DOCK4: variants seen among roughly 807,000 people sequenced by gnomAD.
DOCK4 encodes the protein dedicator of cytokinesis 4.
DOCK4 carries 97 observed loss-of-function variants against 268.1 expected under a neutral mutation model. That is an observed-to-expected ratio of 0.36 (90% CI 0.31 to 0.43). The LOEUF is 0.43. Ranked by LOEUF, DOCK4 falls within the 20% of genes least tolerant of loss-of-function variation. The probability of loss-of-function intolerance (pLI) is 1.00; values close to 1 mark genes in which losing one functional copy is unlikely to be tolerated. For missense variants in DOCK4, 2,145 were observed against 2,455.7 expected, an observed-to-expected ratio of 0.87 and a Z score of 2.67; for synonymous variants, 954 against 887.2, an observed-to-expected ratio of 1.08 and a Z score of -1.34.
intron 25 of DOCK4, among the ~76,000 whole-genome samples, chr7:111,838,300 C>G (rs1803397876): frequency 6.6e-6 from 1 of 151,938 alleles, no homozygotes; most frequent in Non-Finnish European, 1.5e-5. Context: ...CACTTACTGA[C>G]TTTAAGATTT....
chr7:112,062,737 T>C (rs1461245108), intron 1 of DOCK4, among the ~76,000 whole-genome samples: 2 of 152,210 alleles, frequency 1.3e-5, no homozygotes, highest in Non-Finnish European at 2.9e-5. Context: ...TGGAGTGCAA[T>C]GGCACGATCT....
Position 111,949,346 on chromosome 7 carries a change from C to A in DOCK4, c.702-3548G>T, listed in dbSNP as rs139346825. Among the ~76,000 whole-genome samples, 4 of 152,290 alleles carry A rather than the reference C, an allele frequency of 2.6e-5. No individual in the cohort carries two copies. In the East Asian group the frequency reaches 7.7e-4, roughly 29 times the overall value. ...CATAAAATCCAATTCCATATCTGTA[C>A]ATTTCATCAAAATTCTGGAAAACAA... On this transcript the variant is annotated intron_variant, in intron 8 of 52. Coordinates refer to ENST00000428084, the MANE Select transcript of DOCK4 (RefSeq NM_001363540.2).
intron 8 of DOCK4, among the ~76,000 whole-genome samples, chr7:111,951,867 C>CAA (rs931813159): frequency 6.6e-6 from 1 of 150,378 alleles, no homozygotes; most frequent in African/African-American, 2.4e-5. Flanking sequence ...GACCTTGTCT[C>CAA]AAAAAAAAGA....
chr7:112,065,186 A>G (rs542400557), intron 1 of DOCK4, among the ~76,000 whole-genome samples: 1 of 151,998 alleles, frequency 6.6e-6, no homozygotes, highest in East Asian at 1.9e-4. Flanking sequence ...ATCTCTGTGC[A>G]TTCTCCCCTC....
intron 1 of DOCK4, among the ~76,000 whole-genome samples, chr7:112,167,218 C>T (rs1817685094): frequency 6.6e-6 from 1 of 152,196 alleles, no homozygotes; most frequent in Non-Finnish European, 1.5e-5. Context: ...CCCTTTCCAA[C>T]TTCCTCCAAG....
At chr7:112,064,190 T>C (rs113693128) in intron 1 of DOCK4, among the ~76,000 whole-genome samples, 330 of 152,220 alleles carry the variant, frequency 2.2e-3, no homozygotes, top group African/African-American at 7.3e-3. Context: ...GGTTCTAGGG[T>C]TGGCGGCAGC....
At chr7:111,767,240 T>C in intron 37 of DOCK4, 122 bp from the exon 38 acceptor site, 3 of 792,598 alleles carry the variant, frequency 3.8e-6, no homozygotes, top group Non-Finnish European at 4.0e-6. Flanking sequence ...TTTTTTTTTT[T>C]TTTTTGAGAT....
intron 12 of DOCK4, among the ~76,000 whole-genome samples, chr7:111,930,560 T>G (rs1489406755): frequency 6.6e-6 from 1 of 152,214 alleles, no homozygotes; most frequent in Non-Finnish European, 1.5e-5. Flanking sequence ...TAGAGTGAAC[T>G]CAATTCTTTT....
intron 23 of DOCK4, among the ~76,000 whole-genome samples, chr7:111,855,565 A>T (rs1804933855): frequency 6.6e-6 from 1 of 152,164 alleles, no homozygotes; most frequent in African/African-American, 2.4e-5. Context: ...TGGATACTCA[A>T]GTTTGGAGCT....
At chr7:112,109,159 C>A (rs1811401750) in intron 1 of DOCK4, among the ~76,000 whole-genome samples, 1 of 152,202 alleles carries the variant, frequency 6.6e-6, no homozygotes, top group South Asian at 2.1e-4. Context: ...GTTGGCATGG[C>A]CAGGGGCTGG....
At chr7:111,812,091 A>C (rs550212414) in intron 27 of DOCK4, 142 bp from the exon 28 acceptor site, 2 of 485,826 alleles carry the variant, frequency 4.1e-6, no homozygotes, top group African/African-American at 2.0e-5. Flanking sequence ...TATTTGAAAC[A>C]AAAAAGAGAC....
intron 12 of DOCK4, among the ~76,000 whole-genome samples, chr7:111,933,258 T>TTATATATATATACATATATACA (rs1794393907): frequency 1.6e-5 from 2 of 126,708 alleles, no homozygotes; most frequent in South Asian, 2.4e-4. Context: ...ACATATATAC[T>TTATATATATATACATATATACA]TATATATATA....
intron 26 of DOCK4, among the ~76,000 whole-genome samples, chr7:111,827,566 G>A (rs1413243628): frequency 6.6e-6 from 1 of 152,082 alleles, no homozygotes; most frequent in Admixed American, 6.6e-5. Context: ...TACCTGAGTG[G>A]GTTTGTAGGG....
intron 1 of DOCK4, among the ~76,000 whole-genome samples, chr7:112,033,028 CTGTT>C (rs562034002): frequency 2.5e-4 from 38 of 152,228 alleles, no homozygotes; most frequent in African/African-American, 8.7e-4. Flanking sequence ...CTAAATATGT[CTGTT>C]TATTTTAGCA....
At chr7:112,100,753 T>C (rs1427339253) in intron 1 of DOCK4, among the ~76,000 whole-genome samples, 1 of 152,172 alleles carries the variant, frequency 6.6e-6, no homozygotes, top group African/African-American at 2.4e-5. Flanking sequence ...GCCTGGAACA[T>C]ACTAGACATT....
At chr7:111,732,404 A>G in intron 51 of DOCK4, 117 bp from the exon 52 acceptor site, 1 of 1,015,420 alleles carries the variant, frequency 9.8e-7, no homozygotes, top group Non-Finnish European at 1.5e-6. Context: ...GGACCTTCTA[A>G]GCAAAGGGGG....
chr7:111,762,757 G>GTTTTCTTTTTTTTTTTTT (rs1797503368), intron 39 of DOCK4, among the ~76,000 whole-genome samples: 1 of 55,012 alleles, frequency 1.8e-5, no homozygotes, highest in African/African-American at 6.7e-5. Flanking sequence ...ATTTTGTTTT[G>GTTTTCTTTTTTTTTTTTT]TTTTCTTTTT....
chr7:111,843,538 A>G (rs1156739923), intron 25 of DOCK4, among the ~76,000 whole-genome samples: 2 of 152,222 alleles, frequency 1.3e-5, no homozygotes. Context: ...CATAGCTATC[A>G]GAATGCTCTC....
intron 1 of DOCK4, among the ~76,000 whole-genome samples, chr7:112,170,788 C>G (rs1818018485): frequency 6.6e-6 from 1 of 152,134 alleles, no homozygotes; most frequent in Non-Finnish European, 1.5e-5. Context: ...GAACAATTAT[C>G]AAGATACTGA....
Sources: allele counts gnomAD v4.1 joint callset (sites outside exome capture counted in the v4.1 genomes callset), GRCh38; gene constraint gnomAD v4.1.1; transcripts MANE v1.5; gene names NCBI Gene and HGNC (gene_info 2026-07-23, HGNC 2026-07-21).